The following CNTN4 variants were observed in gnomAD, a reference collection of about 807,000 sequenced individuals.
CNTN4 encodes the protein contactin-4.
CNTN4 carries 77 observed loss-of-function variants against 122.5 expected under a neutral mutation model. The observed-to-expected ratio is 0.63, with a 90% CI of 0.52 to 0.76. CNTN4 has a LOEUF of 0.76. CNTN4 is among the 30% of genes least tolerant of loss of function. The pLI, the probability that CNTN4 is intolerant of heterozygous loss-of-function variation, is 0.00. For missense variants in CNTN4, 1,256 were observed against 1,259.1 expected (o/e 1.00, Z 0.04); for synonymous variants, 512 against 447.0 (o/e 1.15, Z -1.83).
intron 2 of CNTN4, among the ~76,000 whole-genome samples, chr3:2,256,184 A>G (rs1223943333): frequency 6.6e-6 from 1 of 152,182 alleles, no homozygotes; most frequent in East Asian, 1.9e-4. Context: ...TAAACGAGAA[A>G]ATCTGGAAGA....
At chr3:2,571,955 C>T (rs1443717599) in intron 4 of CNTN4, among the ~76,000 whole-genome samples, 1 of 152,198 alleles carries the variant, frequency 6.6e-6, no homozygotes, top group Non-Finnish European at 1.5e-5. Context: ...CTTTCAGTGT[C>T]TTTGTTGATA....
chr3:2,667,963 G>A (rs1052897880), intron 4 of CNTN4, among the ~76,000 whole-genome samples: 8 of 151,988 alleles, frequency 5.3e-5, no homozygotes, highest in Non-Finnish European at 1.2e-4. Flanking sequence ...GTCTGTTTTG[G>A]TACCAGTACC....
intron 2 of CNTN4, among the ~76,000 whole-genome samples, chr3:2,296,285 T>C (rs938499823): frequency 1.3e-5 from 2 of 152,174 alleles, no homozygotes; most frequent in Non-Finnish European, 2.9e-5. Context: ...GCCATTTTCA[T>C]GATATTGATT....
intron 2 of CNTN4, among the ~76,000 whole-genome samples, chr3:2,285,789 G>T (rs758892366): frequency 2.6e-5 from 4 of 152,004 alleles, no homozygotes; most frequent in Non-Finnish European, 5.9e-5. Flanking sequence ...ACATGATTAT[G>T]TATTTCTCAC....
In CNTN4 at chr3:2,558,205, C is replaced by T. The variant is rs567591109; in HGVS notation, c.-88-13211C>T. 1.2e-4 allele frequency among the ~76,000 whole-genome samples: 18 copies of T among 152,244 alleles called. 1 individual carries two copies. Among genetic ancestry groups the T allele is most frequent in the Admixed American group, 7.2e-4 (11 of 15,276 alleles). The stretch of plus-strand genomic sequence containing the variant: ...TGATTCTACTAATGTTAATATTGTA[C>T]GTAAGTATAGTATGATCACCAAACC... On this transcript the variant is annotated intron_variant, in intron 3 of 24. Coordinates refer to ENST00000418658, the MANE Select transcript of CNTN4 (RefSeq NM_175607.3).
chr3:2,207,345 G>C (rs1048586811), intron 2 of CNTN4, among the ~76,000 whole-genome samples: 4 of 152,094 alleles, frequency 2.6e-5, no homozygotes, highest in Non-Finnish European at 5.9e-5. Flanking sequence ...AGTGAGGAAG[G>C]CATGTCGAAA....
At chr3:2,763,926 G>A (rs1405762743) in intron 6 of CNTN4, among the ~76,000 whole-genome samples, 1 of 150,806 alleles carries the variant, frequency 6.6e-6, no homozygotes, top group African/African-American at 2.4e-5. Flanking sequence ...GATGCCTCCA[G>A]CTTTGTTATT....
intron 4 of CNTN4, among the ~76,000 whole-genome samples, chr3:2,671,963 C>T (rs1008771038): frequency 6.6e-6 from 1 of 151,924 alleles, no homozygotes; most frequent in Non-Finnish European, 1.5e-5. Context: ...GCTGCCTGAT[C>T]CTTCCTTTGG....
intron 3 of CNTN4, among the ~76,000 whole-genome samples, chr3:2,363,285 G>C (rs1034158736): frequency 1.3e-5 from 2 of 152,198 alleles, no homozygotes; most frequent in African/African-American, 4.8e-5. Flanking sequence ...TGTTTACCAA[G>C]TGCTAGGACT....
At chr3:2,592,788 G>C (rs1379595925) in intron 4 of CNTN4, among the ~76,000 whole-genome samples, 1 of 152,182 alleles carries the variant, frequency 6.6e-6, no homozygotes, top group Non-Finnish European at 1.5e-5. Context: ...CCACTCTCTG[G>C]AGTGTTCTAT....
At chr3:2,333,667 G>T (rs952842177) in intron 2 of CNTN4, among the ~76,000 whole-genome samples, 1 of 152,178 alleles carries the variant, frequency 6.6e-6, no homozygotes, top group Non-Finnish European at 1.5e-5. Flanking sequence ...AATGATAAAA[G>T]AATCAAATGA....
At chr3:2,957,107 G>A (rs1045229436) in intron 13 of CNTN4, among the ~76,000 whole-genome samples, 1 of 152,180 alleles carries the variant, frequency 6.6e-6, no homozygotes, top group African/African-American at 2.4e-5. Context: ...TGGGAGTGCA[G>A]ATAGCTCTTC....
At chr3:3,046,609 A>G (rs1559832455) in intron 23 of CNTN4, among the ~76,000 whole-genome samples, 1 of 152,168 alleles carries the variant, frequency 6.6e-6, no homozygotes, top group African/African-American at 2.4e-5. Flanking sequence ...GGCCTGCCCT[A>G]AAAGTGCTCC....
At chr3:2,701,417 T>C (rs1174764653) in intron 4 of CNTN4, among the ~76,000 whole-genome samples, 2 of 151,994 alleles carry the variant, frequency 1.3e-5, no homozygotes, top group Non-Finnish European at 2.9e-5. Flanking sequence ...GCACACAAAG[T>C]GGTGAGCATT....
intron 4 of CNTN4, among the ~76,000 whole-genome samples, chr3:2,595,293 T>C (rs561168201): frequency 2.3e-4 from 35 of 152,334 alleles, no homozygotes; most frequent in African/African-American, 7.7e-4. Flanking sequence ...TTATCCTTAG[T>C]TTTCATGCCA....
intron 4 of CNTN4, among the ~76,000 whole-genome samples, chr3:2,718,664 T>C (rs2149380659): frequency 6.6e-6 from 1 of 152,322 alleles, no homozygotes; most frequent in East Asian, 1.9e-4. Context: ...TTTTTGCTAT[T>C]AAATGAGAAC....
Position 2,571,521 on chromosome 3 carries a change from A to G in CNTN4, c.18A>G (p.Glu6=). 6.2e-7 allele frequency: 1 copy of G among 1,613,852 alleles called. No homozygotes were observed. The highest frequency in any genetic ancestry group is 8.5e-7 in the Non-Finnish European group (1 of 1,179,732). Residue 6 remains glutamate, a synonymous_variant, in exon 4 of 25, where the codon GAA becomes GAG. Coordinates refer to ENST00000418658, the MANE Select transcript of CNTN4 (RefSeq NM_175607.3). ...AACTGAAGATGAGGTTGCCATGGGA[A>G]CTGCTGGTACTGCAATCATTCATTT... The part of the protein sequence containing the change: MRLPW[E]LLVLQSFILC...
chr3:2,354,657 G>C (rs565532678), intron 3 of CNTN4, among the ~76,000 whole-genome samples: 36 of 152,308 alleles, frequency 2.4e-4, no homozygotes, highest in Non-Finnish European at 5.0e-4. Flanking sequence ...GGGACTTTGT[G>C]TATGAGAGTC....
intron 7 of CNTN4, among the ~76,000 whole-genome samples, chr3:2,851,183 G>C (rs996094029): frequency 6.6e-6 from 1 of 152,166 alleles, no homozygotes; most frequent in Non-Finnish European, 1.5e-5. Context: ...ATATACAGTT[G>C]CAAGTGTAAA....
Sources: gnomAD v4.1 joint callset for allele counts (sites outside exome capture counted in the v4.1 genomes callset) on GRCh38, gnomAD v4.1.1 for gene constraint, MANE v1.5 for transcripts, NCBI Gene and HGNC (gene_info 2026-07-23, HGNC 2026-07-21) for gene names.